Variants in EPS8 observed in about 807,000 individuals in gnomAD.
The protein encoded by EPS8 is EGFR pathway substrate 8, signaling adaptor.
Under a neutral mutation model 103.8 loss-of-function variants are expected in EPS8, and 42 were observed. The ratio of observed to expected loss-of-function variants is 0.40; its 90% CI spans 0.32 to 0.52. EPS8 has a LOEUF of 0.52. Among genes scored for constraint, EPS8 ranks in the 20% least tolerant of loss-of-function variants. The probability of loss-of-function intolerance (pLI) is 0.40; values close to 1 mark genes in which losing one functional copy is unlikely to be tolerated. For synonymous variants in EPS8, 344 were observed against 344.6 expected, an observed-to-expected ratio of 1.00 and a Z score of 0.02; for missense variants, 969 against 1,005.1, an observed-to-expected ratio of 0.96 and a Z score of 0.49.
rs1011036835 is a variant in EPS8 at position 15,684,412 on chromosome 12, C to T, written c.-21-1440G>A. On this transcript the variant is annotated intron_variant, in intron 1 of 20. Transcript: ENST00000281172. The surrounding 1 kb of genome is among the most constrained non-coding windows in gnomAD (Gnocchi z 4.9). ...TTACTTAAATTAATACCTGACTCTTCACTAAACTCTTAGCCCCCAAAAGGC... is the reference window on the plus strand; with the variant it reads ...TTACTTAAATTAATACCTGACTCTTTACTAAACTCTTAGCCCCCAAAAGGC... 3 of 152,170 alleles carry T rather than the reference C, an allele frequency of 2.0e-5. No individual in the cohort carries two copies. Among genetic ancestry groups the T allele is most frequent in the Non-Finnish European group, 4.4e-5 (3 of 68,020 alleles). The allele number at this position is 152,170 out of a possible 1,614,324, so 9.4% of individuals were successfully genotyped here. A position where few individuals can be genotyped will look rare whatever the true frequency, so the allele number is the denominator to read the frequency against.
In EPS8 at chr12:15,749,647, G is replaced by A. The variant is rs963480628; in HGVS notation, c.-22+39514C>T. On this transcript the variant is annotated intron_variant, in intron 1 of 20. Coordinates refer to ENST00000281172, the MANE Select transcript of EPS8 (RefSeq NM_004447.6). The surrounding 1 kb of genome is among the most constrained non-coding windows in gnomAD (Gnocchi z 4.0). ...CAATAACCATTATGATAGTGGTAGT[G>A]GTAGGAAGAAAAATTAACCTAATCA... Among the ~76,000 whole-genome samples the A allele has an allele frequency of 2.6e-5, 4 of 151,984 alleles. No individual in the cohort carries two copies. The highest frequency in any genetic ancestry group is 5.9e-5 in the Non-Finnish European group (4 of 68,006).
At chr12:15,642,670 A>ATT (rs1945252843) in intron 15 of EPS8, among the ~76,000 whole-genome samples, 4 of 152,162 alleles carry the variant, frequency 2.6e-5, no homozygotes, top group Admixed American at 2.6e-4. Context: ...TCCTCCATTT[A>ATT]CATTCCCACA....
chr12:15,735,632 T>G lies in EPS8; in HGVS notation c.-21-52660A>C, dbSNP rs1489797749. On this transcript the variant is annotated intron_variant, in intron 1 of 20. Coordinates refer to ENST00000281172, the MANE Select transcript of EPS8 (RefSeq NM_004447.6). The surrounding 1 kb of genome is among the most constrained non-coding windows in gnomAD (Gnocchi z 4.4). ...TGTAAGTAAAATAGGCACATTTAAG[T>G]ACTTCTTCTATGTAGATGTGCATGT... is the stretch of plus-strand genomic sequence containing the variant. Among the ~76,000 whole-genome samples, 1 of 152,240 alleles carries G rather than the reference T, an allele frequency of 6.6e-6. No homozygotes were observed. The highest frequency in any genetic ancestry group is 2.4e-5 in the African/African-American group (1 of 41,472).
chr12:15,743,692 G>A (rs534571693), intron 1 of EPS8, among the ~76,000 whole-genome samples: 281 of 152,260 alleles, frequency 1.8e-3, no homozygotes, highest in Middle Eastern at 3.4e-3. Flanking sequence ...ATGGTGCTGG[G>A]AAAACTGGCT....
rs1002735020 is a variant in EPS8 at position 15,714,994 on chromosome 12, C to T, written c.-21-32022G>A. Among the ~76,000 whole-genome samples the T allele has an allele frequency of 1.3e-5, 2 of 152,072 alleles. No homozygotes were observed. Among genetic ancestry groups the T allele is most frequent in the African/African-American group, 2.4e-5 (1 of 41,406 alleles). On this transcript the variant is annotated intron_variant, in intron 1 of 20. Transcript: ENST00000281172. The surrounding 1 kb of genome is among the most constrained non-coding windows in gnomAD (Gnocchi z 4.1). ...GGCCATTCCTTCCCATCTCCAGCACCCCTGCAAAAAAGATTGAATGGAAAC... is the reference window on the plus strand; with the variant it reads ...GGCCATTCCTTCCCATCTCCAGCACTCCTGCAAAAAAGATTGAATGGAAAC...
At chr12:15,692,937 T>C (rs913127964) in intron 1 of EPS8, among the ~76,000 whole-genome samples, 1 of 152,236 alleles carries the variant, frequency 6.6e-6, no homozygotes, top group Non-Finnish European at 1.5e-5. Flanking sequence ...GATAATATTT[T>C]TAAGTTTTCT....
At chr12:15,661,163 T>C (rs1286465637) in intron 9 of EPS8, among the ~76,000 whole-genome samples, 1 of 152,208 alleles carries the variant, frequency 6.6e-6, no homozygotes, top group African/African-American at 2.4e-5. Context: ...ATTGTTGTGA[T>C]AACCTAATAG....
At chr12:15,641,655 A>G (rs2135756721) in intron 16 of EPS8, 67 bp downstream of exon 16, 1 of 691,582 alleles carries the variant, frequency 1.4e-6, no homozygotes, top group Non-Finnish European at 2.4e-6. Context: ...AAGTTTAGTT[A>G]TATACCAAAA....
At chr12:15,675,242 A>G (rs1945883425) in intron 3 of EPS8, among the ~76,000 whole-genome samples, 2 of 152,220 alleles carry the variant, frequency 1.3e-5, no homozygotes, top group Admixed American at 1.3e-4. Flanking sequence ...AAATACAAAG[A>G]TAGAAAAACA....
At chr12:15,692,235 A>G (rs914413204) in intron 1 of EPS8, among the ~76,000 whole-genome samples, 11 of 151,746 alleles carry the variant, frequency 7.2e-5, no homozygotes, top group Admixed American at 6.6e-4. Flanking sequence ...TTGAAACTGT[A>G]TATGATGAAA....
At position 15,690,306 on chromosome 12, in the gene EPS8, TTAC is replaced by T. The variant is rs756426862; in HGVS notation, c.-21-7337_-21-7335del. On this transcript the variant is annotated intron_variant, in intron 1 of 20. Coordinates refer to ENST00000281172, the MANE Select transcript of EPS8 (RefSeq NM_004447.6). The surrounding 1 kb of genome is among the most constrained non-coding windows in gnomAD (Gnocchi z 4.7). ...AAATCATAAATACATCTCCCGAATA[TTAC>T]TACAAGTAAAAACTTAATTGTTAAA... 6.6e-6 allele frequency among the ~76,000 whole-genome samples: 1 copy of T among 152,230 alleles called. No homozygotes were observed. Among genetic ancestry groups the T allele is most frequent in the Non-Finnish European group, 1.5e-5 (1 of 68,030 alleles).
intron 12 of EPS8, among the ~76,000 whole-genome samples, chr12:15,657,115 G>A (rs1418472050): frequency 6.6e-6 from 1 of 152,088 alleles, no homozygotes; most frequent in South Asian, 2.1e-4. Flanking sequence ...GTGTCTTCCT[G>A]TTACCCTGCT....
rs1184529859 is a variant in EPS8, at chr12:15,785,269, T to C, written c.-22+3892A>G. ...TAACTCTAGAAATGAGTAGAAGCTG[T>C]GAGACTAAAAGCAAAAGGAATAGTA... On this transcript the variant is annotated intron_variant, in intron 1 of 20. Transcript: ENST00000281172. This position sits in a 1 kb window ranked among gnomAD's most constrained non-coding sequence, Gnocchi z 4.9. Among the ~76,000 whole-genome samples, 1 of 152,104 alleles carries C rather than the reference T, an allele frequency of 6.6e-6. No homozygotes were observed. Among genetic ancestry groups the C allele is most frequent in the African/African-American group, 2.4e-5 (1 of 41,448 alleles).
intron 1 of EPS8, among the ~76,000 whole-genome samples, chr12:15,788,624 A>G (rs143356583): frequency 6.6e-5 from 10 of 152,350 alleles, no homozygotes; most frequent in Admixed American, 4.6e-4. Flanking sequence ...AAGCTAAGAA[A>G]GTCAACAGCC....
At position 15,749,068 on chromosome 12, in the gene EPS8, T is replaced by C. The variant is rs1300502425; in HGVS notation, c.-22+40093A>G. 6.6e-6 allele frequency among the ~76,000 whole-genome samples: 1 copy of C among 152,174 alleles called. No homozygotes were observed. The highest frequency in any genetic ancestry group is 1.5e-5 in the Non-Finnish European group (1 of 68,028). On this transcript the variant is annotated intron_variant, in intron 1 of 20. Transcript: ENST00000281172. This position sits in a 1 kb window ranked among gnomAD's most constrained non-coding sequence, Gnocchi z 4.0. ...TTTTTGTCAAGATCCATCCTAGTGT[T>C]CTTTTGGAAGAGCTAAATGTAATAC...
rs557329961 is a variant in EPS8, at chr12:15,752,213, C to T, written c.-22+36948G>A. ...CTGTAATCCCAGCACTTTGGGAGGC[C>T]GAGGCAGGCGGATCACGAGGTCAGG... On this transcript the variant is annotated intron_variant, in intron 1 of 20. Transcript: ENST00000281172. This position sits in a 1 kb window ranked among gnomAD's most constrained non-coding sequence, Gnocchi z 4.4. 9.9e-5 allele frequency among the ~76,000 whole-genome samples: 15 copies of T among 152,140 alleles called. No homozygotes were observed. The South Asian group carries it at 1.5e-3, about 15-fold the overall frequency.
Position 15,716,830 on chromosome 12 carries a change from G to A in EPS8, c.-21-33858C>T, listed in dbSNP as rs550843007. 5.3e-5 allele frequency among the ~76,000 whole-genome samples: 8 copies of A among 152,334 alleles called. No individual in the cohort carries two copies. In the South Asian group the frequency reaches 1.7e-3, roughly 32 times the overall value. ...ATGTCACAATCCATTCATCTTGGAA[G>A]TATAAGCAAAATTTCACTTTCAGTT... is the stretch of plus-strand genomic sequence containing the variant. On this transcript the variant is annotated intron_variant, in intron 1 of 20. Coordinates refer to ENST00000281172, the MANE Select transcript of EPS8 (RefSeq NM_004447.6). This position sits in a 1 kb window ranked among gnomAD's most constrained non-coding sequence, Gnocchi z 5.0.
Position 15,624,247 on chromosome 12 carries a change from C to G in EPS8, c.2205G>C (p.Gln735His). Reference sequence around the variant, plus strand: ...CTCACACAGGGTTGAATCCCTTTGACTGTAACCACGTCTTCACATCCTCTG... The same window carrying G: ...CTCACACAGGGTTGAATCCCTTTGAGTGTAACCACGTCTTCACATCCTCTG... ...STPEDVKTWL[Q>H]SKGFNPVTVN... The change falls in exon 19 of 21, where the codon CAG (glutamine) becomes CAC (histidine). Residue 735 changes from glutamine to histidine, a missense_variant. Transcript: ENST00000281172. 6.2e-7 allele frequency: 1 copy of G among 1,613,598 alleles called. No individual in the cohort carries two copies. The highest frequency in any genetic ancestry group is 8.5e-7 in the Non-Finnish European group (1 of 1,179,888).
At chr12:15,656,334 GA>G (rs2135802371) in intron 12 of EPS8, among the ~76,000 whole-genome samples, 1 of 152,220 alleles carries the variant, frequency 6.6e-6, no homozygotes, top group South Asian at 2.1e-4. Flanking sequence ...AGCATTTATA[GA>G]GCAAGAATTA....
Sources: gnomAD v4.1 joint callset for allele counts (sites outside exome capture counted in the v4.1 genomes callset) on GRCh38, gnomAD v4.1.1 for gene constraint, Gnocchi (gnomAD v3.1) non-coding constraint, MANE v1.5 for transcripts, NCBI Gene and HGNC (gene_info 2026-07-23, HGNC 2026-07-21) for gene names.